Variants in APBB2 observed in about 807,000 individuals in gnomAD.
The protein encoded by APBB2 is Fe65-like 1.
Under a neutral mutation model 82.5 loss-of-function variants are expected in APBB2, and 38 were observed. The observed-to-expected ratio is 0.46, with a 90% CI of 0.36 to 0.60. The LOEUF is 0.60. Ranked by LOEUF, APBB2 falls within the 20% of genes least tolerant of loss-of-function variation. The pLI is 0.00. For missense variants in APBB2, 772 were observed against 972.3 expected (o/e 0.79, Z 2.74); for synonymous variants, 341 against 368.2 (o/e 0.93, Z 0.85).
At chr4:40,932,499 G>T (rs1784436358) in intron 10 of APBB2, among the ~76,000 whole-genome samples, 1 of 152,202 alleles carries the variant, frequency 6.6e-6, no homozygotes, top group African/African-American at 2.4e-5. Context: ...AAGGAGTCAA[G>T]GTTTTGAACC....
At chr4:41,079,201 T>A (rs1736670428) in intron 3 of APBB2, among the ~76,000 whole-genome samples, 1 of 152,254 alleles carries the variant, frequency 6.6e-6, no homozygotes, top group Non-Finnish European at 1.5e-5. Context: ...ACCTTGGCTA[T>A]GAATCTGGCT....
intron 6 of APBB2, among the ~76,000 whole-genome samples, chr4:40,946,254 A>AAAAAAAAAAACAAAAAC (rs1553875174): frequency 8.7e-6 from 1 of 114,560 alleles, no homozygotes; most frequent in African/African-American, 3.3e-5. Context: ...AAAAAAAAAA[A>AAAAAAAAAAACAAAAAC]CATTCCCAAG....
At chr4:41,179,041 G>A (rs1770606859) in intron 1 of APBB2, among the ~76,000 whole-genome samples, 1 of 152,152 alleles carries the variant, frequency 6.6e-6, no homozygotes, top group African/African-American at 2.4e-5. Flanking sequence ...GGGTCCACCA[G>A]TGTGTTGTAT....
chr4:40,828,188 C>T (rs964465348), intron 13 of APBB2, among the ~76,000 whole-genome samples: 1 of 152,178 alleles, frequency 6.6e-6, no homozygotes, highest in African/African-American at 2.4e-5. Context: ...AATACACCTG[C>T]CATTTTTGCT....
intron 3 of APBB2, among the ~76,000 whole-genome samples, chr4:41,072,561 A>G (rs1382000839): frequency 6.6e-6 from 1 of 152,244 alleles, no homozygotes. Context: ...TGAAGGGCAC[A>G]GGGCACGGCC....
chr4:41,017,336 G>C (rs1402135306), intron 5 of APBB2, among the ~76,000 whole-genome samples: 1 of 152,114 alleles, frequency 6.6e-6, no homozygotes, highest in African/African-American at 2.4e-5. Flanking sequence ...ATGAACTATA[G>C]AGTTCCTCTA....
At chr4:41,097,780 T>C (rs1744047503) in intron 3 of APBB2, among the ~76,000 whole-genome samples, 1 of 152,086 alleles carries the variant, frequency 6.6e-6, no homozygotes, top group Non-Finnish European at 1.5e-5. Flanking sequence ...TTGAAATGCT[T>C]GAAACAAGGA....
intron 4 of APBB2, among the ~76,000 whole-genome samples, chr4:41,059,573 G>A (rs377397780): frequency 2.0e-5 from 3 of 152,276 alleles, no homozygotes; most frequent in Admixed American, 1.3e-4. Context: ...GCTTAAAGGC[G>A]TTCTTAAGCC....
intron 2 of APBB2, among the ~76,000 whole-genome samples, chr4:41,138,373 T>C (rs897051224): frequency 6.6e-6 from 1 of 152,180 alleles, no homozygotes; most frequent in Admixed American, 6.5e-5. Context: ...GTTTCCCATA[T>C]TGATGCAATT....
At chr4:41,210,224 C>T (rs1027174063) in intron 1 of APBB2, among the ~76,000 whole-genome samples, 7 of 152,162 alleles carry the variant, frequency 4.6e-5, no homozygotes, top group South Asian at 2.1e-4. Flanking sequence ...TGCTCTTAAA[C>T]GAAGACCTCT....
rs915585630 is a variant in APBB2, at chr4:41,144,258, C to G, written c.-416-1116G>C. On this transcript the variant is annotated intron_variant, in intron 1 of 17. Transcript: ENST00000508593. ...GCTAAGCATAACATTACATTAATCTCTACCTTCAGTTGAAACCTCAGTCCC... is the reference window on the plus strand; with the variant it reads ...GCTAAGCATAACATTACATTAATCTGTACCTTCAGTTGAAACCTCAGTCCC... 2.6e-5 allele frequency among the ~76,000 whole-genome samples: 4 copies of G among 152,298 alleles called. No homozygotes were observed. In the South Asian group the frequency reaches 8.3e-4, roughly 32 times the overall value.
chr4:41,105,479 ACT>A (rs1402475830), intron 2 of APBB2, among the ~76,000 whole-genome samples: 34 of 152,138 alleles, frequency 2.2e-4, no homozygotes, highest in African/African-American at 8.2e-4. Flanking sequence ...CTCCTCAGAG[ACT>A]CTATCATTAT....
At chr4:41,058,919 T>G (rs1728759854) in intron 4 of APBB2, among the ~76,000 whole-genome samples, 1 of 151,568 alleles carries the variant, frequency 6.6e-6, no homozygotes, top group South Asian at 2.1e-4. Flanking sequence ...TCACAAGAAA[T>G]AAATCCCTGG....
chr4:40,896,474 T>C (rs1175529514), intron 10 of APBB2, among the ~76,000 whole-genome samples: 1 of 152,230 alleles, frequency 6.6e-6, no homozygotes, highest in African/African-American at 2.4e-5. Context: ...AAGTCCCAAT[T>C]TTGCTCGTTT....
At chr4:41,089,190 T>C (rs1348744120) in intron 3 of APBB2, among the ~76,000 whole-genome samples, 1 of 152,190 alleles carries the variant, frequency 6.6e-6, no homozygotes, top group Non-Finnish European at 1.5e-5. Flanking sequence ...ATCCTTCTGA[T>C]TGGCCAGAAA....
rs778512033 is a variant in APBB2, at chr4:40,827,190, C to T, written c.1674G>A (p.Ala558=). Residue 558 remains alanine, a synonymous_variant, in exon 14 of 18, where the codon GCG becomes GCA. Coordinates refer to ENST00000508593, the MANE Select transcript of APBB2 (RefSeq NM_004307.2). ...TTTCCTGTAAGGAGCTGCAGGCCAG[C>T]GCTTTGGCATTCTTCCGTTCAGCCA... The part of the protein sequence containing the change: ...KIMAERKNAK[A]LACSSLQERA... 40 of 1,614,038 alleles carry T rather than the reference C, an allele frequency of 2.5e-5. No individual in the cohort carries two copies. In the African/African-American group the frequency reaches 4.3e-4, roughly 17 times the overall value.
Position 41,066,271 on chromosome 4 carries a change from C to A in APBB2, c.-148-598G>T, listed in dbSNP as rs73138580. ...AACATTATCAGCACTGCAGAAGTCC[C>A]CTTCATGCTCCCTTCTAAGGGTGAC... On this transcript the variant is annotated intron_variant, in intron 3 of 17. Coordinates refer to ENST00000508593, the MANE Select transcript of APBB2 (RefSeq NM_004307.2). Among the ~76,000 whole-genome samples, 1,375 of 152,274 alleles carry A rather than the reference C, an allele frequency of 9.0e-3. 22 individuals carry two copies. The highest frequency in any genetic ancestry group is 0.031 in the African/African-American group (1,305 of 41,546).
intron 1 of APBB2, among the ~76,000 whole-genome samples, chr4:41,179,106 T>G (rs1302944911): frequency 6.6e-6 from 1 of 152,254 alleles, no homozygotes; most frequent in Non-Finnish European, 1.5e-5. Context: ...AAAAGTTTTC[T>G]GTTCTACAGA....
chr4:40,825,171 T>G (rs1234883328), intron 15 of APBB2, among the ~76,000 whole-genome samples: 1 of 152,252 alleles, frequency 6.6e-6, no homozygotes, highest in Non-Finnish European at 1.5e-5. Context: ...ATAATTCTGC[T>G]GTGAACATTT....
Sources: allele counts gnomAD v4.1 joint callset (sites outside exome capture counted in the v4.1 genomes callset), GRCh38; gene constraint gnomAD v4.1.1; transcripts MANE v1.5; gene names NCBI Gene and HGNC (gene_info 2026-07-23, HGNC 2026-07-21).